SCP2: variants seen among roughly 807,000 people sequenced by gnomAD.
SCP2 encodes SCP-2/3-oxoacyl-CoA thiolase.
Under a neutral mutation model 71.4 loss-of-function variants are expected in SCP2, and 48 were observed. The observed-to-expected ratio is 0.67, with a 90% CI of 0.53 to 0.86. The LOEUF is 0.86. Among genes scored for constraint, SCP2 ranks in the 40% least tolerant of loss-of-function variants. The pLI is 0.00. For synonymous variants in SCP2, 220 were observed against 218.1 expected (o/e 1.01, Z -0.08); for missense variants, 560 against 655.6 (o/e 0.85, Z 1.59).
intron 11 of SCP2, among the ~76,000 whole-genome samples, chr1:53,006,901 A>ACC (rs1660673197): frequency 1.3e-5 from 2 of 152,304 alleles, no homozygotes; most frequent in African/African-American, 4.8e-5. Context: ...ACGTGCAGAG[A>ACC]CACACATAGG....
chr1:52,993,858 T>A (rs1172411140), intron 11 of SCP2: 4 of 1,488,178 alleles, frequency 2.7e-6, no homozygotes, highest in Non-Finnish European at 3.6e-6. Flanking sequence ...ACATTAGTAA[T>A]CATATGATAG....
At chr1:52,957,545 A>T (rs1655938079) in intron 5 of SCP2, among the ~76,000 whole-genome samples, 1 of 152,224 alleles carries the variant, frequency 6.6e-6, no homozygotes, top group East Asian at 1.9e-4. Flanking sequence ...GATTAATGAT[A>T]TTTTACATGT....
At chr1:53,031,307 T>TC (rs1380260772) in intron 13 of SCP2, among the ~76,000 whole-genome samples, 1 of 152,232 alleles carries the variant, frequency 6.6e-6, no homozygotes, top group African/African-American at 2.4e-5. Flanking sequence ...CCATTTTAAT[T>TC]CTTTTCTCTA....
intron 2 of SCP2, 21 bp downstream of exon 2, chr1:52,941,874 C>T (rs1186852558): frequency 6.4e-7 from 1 of 1,551,932 alleles, no homozygotes; most frequent in Non-Finnish European, 8.9e-7. Context: ...ACATTTAGAT[C>T]TTTGAACATT....
At chr1:53,050,553 T>C in intron 15 of SCP2, 56 bp from the exon 16 acceptor site, 1 of 1,076,624 alleles carries the variant, frequency 9.3e-7, no homozygotes, top group African/African-American at 1.6e-5. Context: ...TGTAGAAACA[T>C]CAGCAATCTT....
chr1:53,040,091 G>A (rs1233539851), intron 14 of SCP2, among the ~76,000 whole-genome samples: 1 of 152,054 alleles, frequency 6.6e-6, no homozygotes, highest in Admixed American at 6.6e-5. Context: ...GTCCTCCTCT[G>A]TAACCACCAC....
chr1:53,014,054 C>G (rs1011318221), intron 11 of SCP2, among the ~76,000 whole-genome samples: 4 of 145,224 alleles, frequency 2.8e-5, no homozygotes, highest in East Asian at 2.1e-4. Flanking sequence ...TGCCACCACG[C>G]CCGGCTAATT....
At chr1:52,965,522 C>G (rs556821711) in intron 6 of SCP2, among the ~76,000 whole-genome samples, 3 of 152,244 alleles carry the variant, frequency 2.0e-5, no homozygotes, top group Non-Finnish European at 4.4e-5. Context: ...TAAACTTATT[C>G]CTAAATACCT....
intron 6 of SCP2, among the ~76,000 whole-genome samples, chr1:52,964,790 G>A (rs1464783129): frequency 2.6e-5 from 4 of 152,022 alleles, no homozygotes; most frequent in Non-Finnish European, 5.9e-5. Context: ...CAAGGCGGAC[G>A]GATCCTGAGG....
chr1:52,964,328 A>C (rs904465461), intron 6 of SCP2, among the ~76,000 whole-genome samples: 4 of 149,700 alleles, frequency 2.7e-5, no homozygotes, highest in Admixed American at 6.7e-5. Flanking sequence ...CAGCCTCCCG[A>C]GTAGCTGGGA....
chr1:53,027,256 T>G (rs1167936949), intron 12 of SCP2, among the ~76,000 whole-genome samples: 1 of 152,136 alleles, frequency 6.6e-6, no homozygotes, highest in African/African-American at 2.4e-5. Flanking sequence ...GGTTTCAACA[T>G]GTTGCCCAGG....
At chr1:53,009,105 C>T (rs1247488908) in intron 11 of SCP2, among the ~76,000 whole-genome samples, 1 of 152,182 alleles carries the variant, frequency 6.6e-6, no homozygotes, top group African/African-American at 2.4e-5. Context: ...AACTACAAAC[C>T]ACTGCTCAAC....
intron 13 of SCP2, among the ~76,000 whole-genome samples, chr1:53,035,616 C>A (rs888959062): frequency 2.6e-5 from 4 of 151,724 alleles, no homozygotes; most frequent in Admixed American, 2.6e-4. Context: ...TCCAAAATAG[C>A]CAAGAATATT....
At chr1:53,000,234 C>T (rs1297978644) in intron 11 of SCP2, among the ~76,000 whole-genome samples, 4 of 133,950 alleles carry the variant, frequency 3.0e-5, no homozygotes, top group East Asian at 2.2e-4. Context: ...GGCAACAAAG[C>T]GAGACCCTAG....
At chr1:53,047,975 G>A in intron 15 of SCP2, 38 bp downstream of exon 15, 1 of 1,410,688 alleles carries the variant, frequency 7.1e-7, no homozygotes, top group Non-Finnish European at 1.0e-6. Flanking sequence ...TAGTAGGTAG[G>A]TCTTTCAGCC....
chr1:52,930,727 C>T (rs1040103181), intron 1 of SCP2, among the ~76,000 whole-genome samples: 2 of 152,298 alleles, frequency 1.3e-5, no homozygotes, highest in South Asian at 2.1e-4. Flanking sequence ...ATTCTCACCA[C>T]GTAATGGATT....
intron 1 of SCP2, among the ~76,000 whole-genome samples, chr1:52,933,276 TAG>T (rs1297894506): frequency 4.6e-5 from 7 of 152,096 alleles, no homozygotes; most frequent in Non-Finnish European, 1.0e-4. Context: ...TTAAAAGAGA[TAG>T]TAATTGCAGT....
intron 13 of SCP2, among the ~76,000 whole-genome samples, chr1:53,037,930 AG>A (rs1557627831): frequency 5.0e-4 from 60 of 119,712 alleles, no homozygotes; most frequent in Admixed American, 9.0e-4. Context: ...ACACACACAC[AG>A]ATCCAGATCC....
At chr1:52,942,774 A>G (rs1040989361) in intron 2 of SCP2, among the ~76,000 whole-genome samples, 1 of 140,578 alleles carries the variant, frequency 7.1e-6, no homozygotes, top group African/African-American at 2.7e-5. Context: ...ATCTCAGTTC[A>G]CTGCAACCTC....
Sources: gnomAD v4.1 joint callset for allele counts (sites outside exome capture counted in the v4.1 genomes callset) on GRCh38, gnomAD v4.1.1 for gene constraint, MANE v1.5 for transcripts, NCBI Gene and HGNC (gene_info 2026-07-23, HGNC 2026-07-21) for gene names.